Variants in ALKBH3 observed in about 807,000 individuals in gnomAD.
The protein encoded by ALKBH3 is alkB homolog 3, alpha-ketoglutarate dependent dioxygenase, also known as alpha-ketoglutarate-dependent dioxygenase alkB homolog 3.
A neutral mutation model predicts 43.9 loss-of-function variants in ALKBH3; 51 were observed. The observed-to-expected ratio is 1.16, with a 90% confidence interval of 0.93 to 1.47. The LOEUF (loss-of-function observed/expected upper bound fraction) is 1.47. Ranked by LOEUF, ALKBH3 falls within the 40% of genes most tolerant of loss-of-function variation. The pLI, the probability that ALKBH3 is intolerant of heterozygous loss-of-function variation, is 0.00. For missense variants in ALKBH3, 361 were observed against 351.9 expected (o/e 1.03, Z -0.21); for synonymous variants, 102 against 115.2 (o/e 0.89, Z 0.73).
At chr11:43,899,843 T>C (rs1313448796) in intron 7 of ALKBH3, among the ~76,000 whole-genome samples, 1 of 138,420 alleles carries the variant, frequency 7.2e-6, no homozygotes, top group Non-Finnish European at 1.5e-5. Flanking sequence ...GTAGTTTCTA[T>C]ACCAATTAAA....
At chr11:43,884,495 A>C (rs1250515782) in intron 4 of ALKBH3, among the ~76,000 whole-genome samples, 1 of 151,790 alleles carries the variant, frequency 6.6e-6, no homozygotes, top group East Asian at 1.9e-4. Context: ...GATAGTAAAC[A>C]TTCTTCTTAT....
intron 7 of ALKBH3, among the ~76,000 whole-genome samples, chr11:43,895,793 A>G (rs1354037547): frequency 1.3e-5 from 2 of 152,254 alleles, no homozygotes; most frequent in Non-Finnish European, 2.9e-5. Context: ...AAACTCTGCT[A>G]GTAGTCATTG....
intron 8 of ALKBH3, among the ~76,000 whole-genome samples, chr11:43,914,807 A>G (rs1222034407): frequency 6.6e-6 from 1 of 152,218 alleles, no homozygotes; most frequent in Non-Finnish European, 1.5e-5. Context: ...TTGTAGATCA[A>G]TAAGAAAACA....
At chr11:43,881,758 G>A (rs1951712807) in intron 1 of ALKBH3, among the ~76,000 whole-genome samples, 1 of 152,180 alleles carries the variant, frequency 6.6e-6, no homozygotes, top group Non-Finnish European at 1.5e-5. Flanking sequence ...TATAAAACGA[G>A]CTTTTACCTT....
intron 8 of ALKBH3, among the ~76,000 whole-genome samples, chr11:43,905,462 T>C (rs993682189): frequency 6.6e-6 from 1 of 152,004 alleles, no homozygotes; most frequent in Non-Finnish European, 1.5e-5. Flanking sequence ...TTCACTGTCC[T>C]GTGGTCCAAG....
chr11:43,897,867 A>C, intron 7 of ALKBH3: 1 of 788,914 alleles, frequency 1.3e-6, no homozygotes. Flanking sequence ...TACCATGGAA[A>C]AAATTGCAAT....
At position 43,886,387 on chromosome 11, in the gene ALKBH3, T is replaced by C. The variant is rs374212747; in HGVS notation, c.219-219T>C. ...ATCAGAATTGATTTTATCCCAGTTT[T>C]TGTCTCCATGGCCTGATACTGTCAC... On this transcript the variant is annotated intron_variant, in intron 4 of 9. Coordinates refer to ENST00000302708, the MANE Select transcript of ALKBH3 (RefSeq NM_139178.4). 5.9e-5 allele frequency among the ~76,000 whole-genome samples: 9 copies of C among 152,294 alleles called. No homozygotes were observed. In the South Asian group the frequency reaches 1.7e-3, roughly 28 times the overall value.
rs12799548 is a variant in ALKBH3, at chr11:43,881,070, G to A, written c.-180G>A. The A allele has an allele frequency of 0.058, 8,776 of 152,594 alleles. 519 individuals carry two copies. Among genetic ancestry groups the A allele is most frequent in the Admixed American group, 0.2 (3,077 of 15,312 alleles). The allele number at this position is 152,594 out of a possible 1,614,324, so 9.5% of individuals were successfully genotyped here. On this transcript the variant is annotated 5_prime_UTR_variant, in exon 1 of 10. Transcript: ENST00000302708. ...AGGATCTAAATTAGGAAAAGGAAGTGCCCTTATCCACGACCAAGCTCTTCC... is the reference window on the plus strand; with the variant it reads ...AGGATCTAAATTAGGAAAAGGAAGTACCCTTATCCACGACCAAGCTCTTCC...
At chr11:43,910,291 C>T (rs1028134210) in intron 8 of ALKBH3, 1 of 152,132 alleles carries the variant, frequency 6.6e-6, no homozygotes, top group East Asian at 1.9e-4. Context: ...CCCTTTCTGT[C>T]TTATTTATCA....
At position 43,883,158 on chromosome 11, in the gene ALKBH3, CAGAG is replaced by C; in HGVS notation, c.156_159del (p.Arg52SerfsTer10). ...AGAACAAAGAGCATCATCTCTCTGA[CAGAG>C]AGTTTGTGTTCAAAGAACCTCAGCA... On this transcript the variant is annotated frameshift_variant, in exon 3 of 10. Coordinates refer to ENST00000302708, the MANE Select transcript of ALKBH3 (RefSeq NM_139178.4). LOFTEE classifies it high-confidence loss of function. The C allele has an allele frequency of 6.2e-7, 1 of 1,613,934 alleles. No individual in the cohort carries two copies. Among genetic ancestry groups the C allele is most frequent in the South Asian group, 1.1e-5 (1 of 90,984 alleles).
At chr11:43,896,339 A>G (rs1291043753) in intron 7 of ALKBH3, among the ~76,000 whole-genome samples, 3 of 152,136 alleles carry the variant, frequency 2.0e-5, no homozygotes, top group Admixed American at 1.3e-4. Flanking sequence ...TATTAATTAC[A>G]CAATCACAAG....
At position 43,920,234 on chromosome 11, in the gene ALKBH3, A is replaced by C; in HGVS notation, c.*224A>C. ...CTAACCACAGCTCAAAATCGCTATC[A>C]TCTTTAGGCAAATTAAAATCTATGT... On this transcript the variant is annotated 3_prime_UTR_variant, in exon 10 of 10. Transcript: ENST00000302708. 1 of 482,816 alleles carries C rather than the reference A, an allele frequency of 2.1e-6. No individual in the cohort carries two copies. The highest frequency in any genetic ancestry group is 2.9e-5 in the South Asian group (1 of 34,204). 29.9% of individuals were successfully genotyped at this position (482,816 alleles called of 1,614,324 possible). A position where few individuals can be genotyped will look rare whatever the true frequency, so the allele number is the denominator to read the frequency against.
At position 43,902,839 on chromosome 11, in the gene ALKBH3, C is replaced by T. The variant is rs56686378; in HGVS notation, c.669+1114C>T. On this transcript the variant is annotated intron_variant, in intron 8 of 9. Coordinates refer to ENST00000302708, the MANE Select transcript of ALKBH3 (RefSeq NM_139178.4). ...CTCAAACTCCTGACCTCAGGTGATT[C>T]GCCCACCTCGGCCTCCCAAAGTGCT... 3.3e-5 allele frequency among the ~76,000 whole-genome samples: 5 copies of T among 152,338 alleles called. No homozygotes were observed. In the East Asian group the frequency reaches 5.8e-4, roughly 18 times the overall value.
At chr11:43,898,979 G>T (rs1590372982) in intron 7 of ALKBH3, 1 of 752,904 alleles carries the variant, frequency 1.3e-6, no homozygotes, top group African/African-American at 1.7e-5. Context: ...AAGACCTCAA[G>T]CTCTGGACTG....
rs563530184 is a variant in ALKBH3 at position 43,881,647 on chromosome 11, A to T, written c.-71+468A>T. ...GAATTACATGCTTATCATCTGGGGG[A>T]ACTTGTTAAACACACAGATTCCTGG... On this transcript the variant is annotated intron_variant, in intron 1 of 9. Transcript: ENST00000302708. 5.3e-5 allele frequency among the ~76,000 whole-genome samples: 8 copies of T among 152,258 alleles called. No individual in the cohort carries two copies. The South Asian group carries it at 1.7e-3, about 32-fold the overall frequency.
intron 8 of ALKBH3, among the ~76,000 whole-genome samples, chr11:43,903,954 G>C (rs1040957791): frequency 1.3e-5 from 2 of 152,168 alleles, no homozygotes; most frequent in Non-Finnish European, 2.9e-5. Flanking sequence ...TGGTGATCAA[G>C]AGCTATTTCT....
chr11:43,907,324 G>A (rs1486542690), intron 8 of ALKBH3, among the ~76,000 whole-genome samples: 2 of 152,150 alleles, frequency 1.3e-5, no homozygotes, highest in Non-Finnish European at 1.5e-5. Flanking sequence ...GTCCTCATTT[G>A]CGTCCTTGGG....
At position 43,914,338 on chromosome 11, in the gene ALKBH3, A is replaced by G. The variant is rs998660711; in HGVS notation, c.670-4700A>G. Among the ~76,000 whole-genome samples the G allele has an allele frequency of 2.6e-5, 4 of 152,196 alleles. No homozygotes were observed. In the South Asian group the frequency reaches 6.2e-4, roughly 24 times the overall value. On this transcript the variant is annotated intron_variant, in intron 8 of 9. Transcript: ENST00000302708. ...TAATATCACCTTCCTTGCCTCCCTT[A>G]CAAGGTTGTAGTGAGGATTAGCAAT...
intron 5 of ALKBH3, among the ~76,000 whole-genome samples, chr11:43,887,091 C>T (rs1001854263): frequency 1.3e-5 from 2 of 152,074 alleles, no homozygotes; most frequent in Admixed American, 1.3e-4. Flanking sequence ...TGCATATGTA[C>T]CCCAAACTTA....
Sources: gnomAD v4.1 joint callset for allele counts (sites outside exome capture counted in the v4.1 genomes callset) on GRCh38, gnomAD v4.1.1 for gene constraint, MANE v1.5 for transcripts, NCBI Gene and HGNC (gene_info 2026-07-23, HGNC 2026-07-21) for gene names.